PSD: variants seen among roughly 807,000 people sequenced by gnomAD.
The protein encoded by PSD is PH and SEC7 domain-containing protein 1.
Under a neutral mutation model 91.6 loss-of-function variants are expected in PSD, and 32 were observed. The ratio of observed to expected loss-of-function variants is 0.35; its 90% CI spans 0.26 to 0.47. PSD has a LOEUF of 0.47. Ranked by LOEUF, PSD falls within the 20% of genes least tolerant of loss-of-function variation. The pLI is 1.00. For synonymous variants in PSD, 532 were observed against 569.3 expected, an observed-to-expected ratio of 0.93 and a Z score of 0.93; for missense variants, 1,099 against 1,373.9, an observed-to-expected ratio of 0.80 and a Z score of 3.16.
rs1011007946 is a variant in PSD at position 102,415,378 on chromosome 10, G to T, written c.758-149C>A. 3.7e-5 allele frequency: 36 copies of T among 975,926 alleles called. No homozygotes were observed. The African/African-American group carries it at 5.8e-4, about 16-fold the overall frequency. 60.5% of individuals were successfully genotyped at this position (975,926 alleles called of 1,614,324 possible). A position where few individuals can be genotyped will look rare whatever the true frequency, so the allele number is the denominator to read the frequency against. ...ATTCCTCCTGCTACATACTTAGCTT[G>T]TTCCTGGTGCCAGTGGAGCTCATTT... On this transcript the variant is annotated intron_variant, in intron 3 of 16. Transcript: ENST00000020673.
rs1014699490 is a variant in PSD at position 102,404,102 on chromosome 10, A to G, written c.2701-117T>C. ...GGTGGCTCACGCCTGTAATCCCAGC[A>G]CTTTGGGAGGCCAAGGCGGGCGGAT... On this transcript the variant is annotated intron_variant, in intron 15 of 16. Coordinates refer to ENST00000020673, the MANE Select transcript of PSD (RefSeq NM_002779.5). The surrounding 1 kb of genome is among the most constrained non-coding windows in gnomAD (Gnocchi z 5.7). The G allele has an allele frequency of 1.2e-5, 15 of 1,286,958 alleles. No individual in the cohort carries two copies. The highest frequency in any genetic ancestry group is 2.8e-4 in the Middle Eastern group (1 of 3,574). The allele number at this position is 1,286,958 out of a possible 1,614,324, so 79.7% of individuals were successfully genotyped here.
intron 3 of PSD, 93 bp downstream of exon 3, chr10:102,415,924 T>C (rs2061473668): frequency 8.0e-6 from 7 of 874,590 alleles, no homozygotes; most frequent in East Asian, 2.7e-5. Context: ...ATTCCAAGGA[T>C]TGGGGGAAGT....
chr10:102,412,203 A>G lies in PSD; in HGVS notation c.1773T>C (p.Ala591=). 6.2e-7 allele frequency: 1 copy of G among 1,614,206 alleles called. No homozygotes were observed. Among genetic ancestry groups the G allele is most frequent in the Non-Finnish European group, 8.5e-7 (1 of 1,180,024 alleles). Residue 591 remains alanine (A), a synonymous_variant, in exon 7 of 17, where the codon GCT becomes GCC. Coordinates refer to ENST00000020673, the MANE Select transcript of PSD (RefSeq NM_002779.5). ...AGACAAAGAACTTGAGGTACTCCCC[A>G]GCCACCAGTTTGCTGAAGTCATTGC... is the stretch of plus-strand genomic sequence containing the variant. The part of the protein sequence containing the change: ...GKNNDFSKLV[A]GEYLKFFVFT...
Position 102,416,439 on chromosome 10 carries a change from A to C in PSD, c.600T>G (p.Pro200=). The C allele has an allele frequency of 6.2e-7, 1 of 1,612,094 alleles. No individual in the cohort carries two copies. Among genetic ancestry groups the C allele is most frequent in the Non-Finnish European group, 8.5e-7 (1 of 1,179,226 alleles). The change falls in exon 2 of 17, where the codon CCT becomes CCG. Residue 200 remains proline, a synonymous_variant. Transcript: ENST00000020673. This position sits in a 1 kb window ranked among gnomAD's most constrained non-coding sequence, Gnocchi z 6.0. Reference sequence around the variant, plus strand: ...CTCCGAAGAGTGTGGCCAGGCGCTCAGGGGGGCCCCCCAGCCCATTGGGGA... The same window carrying C: ...CTCCGAAGAGTGTGGCCAGGCGCTCCGGGGGGCCCCCCAGCCCATTGGGGA... The part of the protein sequence containing the change: ...SSLPNGLGGP[P]ERLATLFGGP...
rs1228203667 is a variant in PSD, at chr10:102,402,822, T to A, written c.*378A>T. The A allele has an allele frequency of 4.0e-6, 1 of 248,256 alleles. No individual in the cohort carries two copies. The highest frequency in any genetic ancestry group is 7.7e-6 in the Non-Finnish European group (1 of 129,800). The allele number at this position is 248,256 out of a possible 1,614,324, so 15.4% of individuals were successfully genotyped here. On this transcript the variant is annotated 3_prime_UTR_variant, in exon 17 of 17. Transcript: ENST00000020673. ...GCTCAGCCCCAAATCCTGGTCTCTG[T>A]CCAAGCCAGGCCCCAGGACAGAGGG...
intron 5 of PSD, among the ~76,000 whole-genome samples, chr10:102,413,057 G>A (rs576856399): frequency 6.6e-6 from 1 of 152,266 alleles, no homozygotes; most frequent in East Asian, 1.9e-4. Context: ...TCTCCTTGGT[G>A]CTCCCCCTCT....
rs1044996110 is a variant in PSD at position 102,414,538 on chromosome 10, G to A, written c.1124+325C>T. On this transcript the variant is annotated intron_variant, in intron 4 of 16. Coordinates refer to ENST00000020673, the MANE Select transcript of PSD (RefSeq NM_002779.5). The surrounding 1 kb of genome is among the most constrained non-coding windows in gnomAD (Gnocchi z 5.6). ...TCCAAGCGACACTGGGGTGTGAGAC[G>A]GAAAGGAATGTCCCCACACTCCCCA... Among the ~76,000 whole-genome samples, 8 of 152,070 alleles carry A rather than the reference G, an allele frequency of 5.3e-5. No individual in the cohort carries two copies. Among genetic ancestry groups the A allele is most frequent in the East Asian group, 3.9e-4 (2 of 5,186 alleles).
At chr10:102,418,028 T>C (rs2061503555) in intron 1 of PSD, among the ~76,000 whole-genome samples, 1 of 149,934 alleles carries the variant, frequency 6.7e-6, no homozygotes, top group Non-Finnish European at 1.5e-5. Flanking sequence ...CTTTTCTTCA[T>C]ACAGGTACAG....
Position 102,417,692 on chromosome 10 carries a change from GAAAGGGACATTCTTCTT to G in PSD, c.-83-588_-83-572del, listed in dbSNP as rs1289330047. 6.7e-5 allele frequency among the ~76,000 whole-genome samples: 10 copies of G among 149,160 alleles called. No individual in the cohort carries two copies. In the East Asian group the frequency reaches 2.0e-3, roughly 30 times the overall value. On this transcript the variant is annotated intron_variant, in intron 1 of 16. Coordinates refer to ENST00000020673, the MANE Select transcript of PSD (RefSeq NM_002779.5). ...CCCCCAATATATACATACTGAGTGG[GAAAGGGACATTCTTCTT>G]TTTTTTTTTTTTTTTTGAGATGGAG...
chr10:102,415,577 A>T (rs1408128053), intron 3 of PSD, among the ~76,000 whole-genome samples: 1 of 152,028 alleles, frequency 6.6e-6, no homozygotes, highest in Non-Finnish European at 1.5e-5. Context: ...GACTCAAGGG[A>T]TCCTCCCACC....
At chr10:102,413,732 G>T in intron 5 of PSD, 37 bp downstream of exon 5, 1 of 1,565,606 alleles carries the variant, frequency 6.4e-7, no homozygotes, top group Non-Finnish European at 8.7e-7. Flanking sequence ...TGGAGCCCTG[G>T]GGGCCTCAAG....
Position 102,404,641 on chromosome 10 carries a change from C to G in PSD, c.2642G>C (p.Ser881Thr). ...FSAPPFPAAV[S>T]SQKKFSRPLL... Reference sequence around the variant, plus strand: ...AGGGCGGCTGAACTTCTTTTGGGAGCTAACAGCAGCTGGGAAGGGGGGCGC... The same window carrying G: ...AGGGCGGCTGAACTTCTTTTGGGAGGTAACAGCAGCTGGGAAGGGGGGCGC... Residue 881 changes from serine (S) to threonine (T), a missense_variant, in exon 15 of 17, where the codon AGC (serine) becomes ACC (threonine). This residue lies in a region of PSD where 358 missense variants were observed against 426.5 expected (regional missense o/e 0.84). Transcript: ENST00000020673. This position sits in a 1 kb window ranked among gnomAD's most constrained non-coding sequence, Gnocchi z 5.7. The G allele has an allele frequency of 6.2e-7, 1 of 1,611,982 alleles. No individual in the cohort carries two copies. The highest frequency in any genetic ancestry group is 8.5e-7 in the Non-Finnish European group (1 of 1,178,974).
rs954732354 is a variant in PSD, at chr10:102,410,012, C to T, written c.2091+846G>A. On this transcript the variant is annotated intron_variant, in intron 10 of 16. Coordinates refer to ENST00000020673, the MANE Select transcript of PSD (RefSeq NM_002779.5). The surrounding 1 kb of genome is among the most constrained non-coding windows in gnomAD (Gnocchi z 6.0). ...ATGCAACTCAACTCAAGCAACACCC[C>T]AGCTCACCATGGACGTTCCCTCTCA... is the stretch of plus-strand genomic sequence containing the variant. 6.6e-6 allele frequency among the ~76,000 whole-genome samples: 1 copy of T among 152,208 alleles called. No homozygotes were observed. The highest frequency in any genetic ancestry group is 2.4e-5 in the African/African-American group (1 of 41,442).
At position 102,404,543 on chromosome 10, in the gene PSD, C is replaced by T. The variant is rs919258502; in HGVS notation, c.2700+40G>A. 2 of 1,598,618 alleles carry T rather than the reference C, an allele frequency of 1.3e-6. No individual in the cohort carries two copies. Among genetic ancestry groups the T allele is most frequent in the Non-Finnish European group, 1.7e-6 (2 of 1,172,918 alleles). ...GTGCAGTGGGCCTGAGCCTAACACC[C>T]TCCATCCCACTGGCACTAGGTGGAC... On this transcript the variant is annotated intron_variant, in intron 15 of 16. Coordinates refer to ENST00000020673, the MANE Select transcript of PSD (RefSeq NM_002779.5). This position sits in a 1 kb window ranked among gnomAD's most constrained non-coding sequence, Gnocchi z 5.7.
chr10:102,409,058 C>G lies in PSD; in HGVS notation c.2092-1792G>C. 3.0e-6 allele frequency: 3 copies of G among 985,888 alleles called. No individual in the cohort carries two copies. The highest frequency in any genetic ancestry group is 9.4e-5 in the South Asian group (2 of 21,322). 61.1% of individuals were successfully genotyped at this position (985,888 alleles called of 1,614,324 possible). A position where few individuals can be genotyped will look rare whatever the true frequency, so the allele number is the denominator to read the frequency against. ...GCACAGCGAGCGCGAGCGCAGCCGC[C>G]CGGCGCTGCTGTGGATGCTGTTGAC... On this transcript the variant is annotated intron_variant, in intron 10 of 16. Coordinates refer to ENST00000020673, the MANE Select transcript of PSD (RefSeq NM_002779.5). This position sits in a 1 kb window ranked among gnomAD's most constrained non-coding sequence, Gnocchi z 5.7.
chr10:102,411,295 C>CTAT lies in PSD; in HGVS notation c.1943-180_1943-179insATA, dbSNP rs71016377. ...TTCCAGCAGATCCGTCAGCAAGGACCCGTCCCTGGCTCCCTCAAGTACTGA... is the reference window on the plus strand; with the variant it reads ...TTCCAGCAGATCCGTCAGCAAGGACCTATCGTCCCTGGCTCCCTCAAGTACTGA... On this transcript the variant is annotated intron_variant, in intron 8 of 16. Transcript: ENST00000020673. Among the ~76,000 whole-genome samples, 11 of 146,908 alleles carry CTAT rather than the reference C, an allele frequency of 7.5e-5. 1 individual carries two copies. The East Asian group carries it at 2.1e-3, about 28-fold the overall frequency.
At position 102,403,052 on chromosome 10, in the gene PSD, A is replaced by G. The variant is rs2061301228; in HGVS notation, c.*148T>C. ...CCTAGGCTCCTGAGGCCCAGGCCCC[A>G]GCCCTGCCCTGCCCCGGACACCGCG... On this transcript the variant is annotated 3_prime_UTR_variant, in exon 17 of 17. Coordinates refer to ENST00000020673, the MANE Select transcript of PSD (RefSeq NM_002779.5). The surrounding 1 kb of genome is among the most constrained non-coding windows in gnomAD (Gnocchi z 6.7). The G allele has an allele frequency of 1.0e-5, 3 of 286,428 alleles. No individual in the cohort carries two copies. Among genetic ancestry groups the G allele is most frequent in the Non-Finnish European group, 5.5e-6 (1 of 181,736 alleles). The allele number at this position is 286,428 out of a possible 1,614,324, so 17.7% of individuals were successfully genotyped here. A position where few individuals can be genotyped will look rare whatever the true frequency, so the allele number is the denominator to read the frequency against.
At position 102,415,959 on chromosome 10, in the gene PSD, C is replaced by T. The variant is rs1660578694; in HGVS notation, c.757+58G>A. ...TTTGAAGGAGGGCTCCCTACTGAGC[C>T]TCAGCTGCTGTGGGGAAGGCCCTGC... On this transcript the variant is annotated intron_variant, in intron 3 of 16. Transcript: ENST00000020673. 36 of 1,376,618 alleles carry T rather than the reference C, an allele frequency of 2.6e-5. No homozygotes were observed. The South Asian group carries it at 4.3e-4, about 16-fold the overall frequency. The allele number at this position is 1,376,618 out of a possible 1,614,324, so 85.3% of individuals were successfully genotyped here.
chr10:102,406,882 C>A (rs1399396555), intron 11 of PSD, among the ~76,000 whole-genome samples: 2 of 152,138 alleles, frequency 1.3e-5, no homozygotes, highest in African/African-American at 2.4e-5. Context: ...ATCTGGGCTC[C>A]CTAGGACCTG....
Sources: allele counts gnomAD v4.1 joint callset (sites outside exome capture counted in the v4.1 genomes callset), GRCh38; gene constraint gnomAD v4.1.1; regional missense constraint gnomAD v4.1.1; non-coding constraint Gnocchi (gnomAD v3.1); transcripts MANE v1.5; gene names NCBI Gene and HGNC (gene_info 2026-07-23, HGNC 2026-07-21).